The following PHACTR2 variants were observed in gnomAD, a reference collection of about 807,000 sequenced individuals.
PHACTR2 encodes chromosome 6 open reading frame 56.
In PHACTR2, 30 loss-of-function variants were observed where a neutral mutation model predicts 76.0. The ratio of observed to expected loss-of-function variants is 0.39; its 90% CI spans 0.30 to 0.54. The LOEUF (loss-of-function observed/expected upper bound fraction) is 0.54, where lower values mean the gene tolerates loss of function less well. Ranked by LOEUF, PHACTR2 falls within the 20% of genes least tolerant of loss-of-function variation. PHACTR2 has a pLI of 0.61. For missense variants in PHACTR2, 696 were observed against 781.1 expected (o/e 0.89, Z 1.30); for synonymous variants, 292 against 292.5 (o/e 1.00, Z 0.02).
In PHACTR2 at chr6:143,659,260, A is replaced by G. The variant is rs1042404833; in HGVS notation, c.13+50938A>G. ...AATAAATTAACCTTAGCTTATTGTAACTTTTTTACTTTATAAACTTTAAAA... is the reference window on the plus strand; with the variant it reads ...AATAAATTAACCTTAGCTTATTGTAGCTTTTTTACTTTATAAACTTTAAAA... On this transcript the variant is annotated intron_variant, in intron 1 of 11. Transcript: ENST00000305766. This position sits in a 1 kb window ranked among gnomAD's most constrained non-coding sequence, Gnocchi z 5.0. Among the ~76,000 whole-genome samples, 2 of 152,192 alleles carry G rather than the reference A, an allele frequency of 1.3e-5. No individual in the cohort carries two copies. Among genetic ancestry groups the G allele is most frequent in the Non-Finnish European group, 2.9e-5 (2 of 68,028 alleles).
Position 143,556,243 on chromosome 6 carries a change from C to A in PHACTR2, c.217+19036C>A, listed in dbSNP as rs924884410. ...TAATTCGGCCCCAGTTCATTTCAGA[C>A]TTTCTTCCTTAAATTCATTTATTTA... On this transcript the variant is annotated intron_variant, in intron 1 of 11. Transcript: ENST00000367584. This position sits in a 1 kb window ranked among gnomAD's most constrained non-coding sequence, Gnocchi z 4.3. Among the ~76,000 whole-genome samples, 38 of 152,236 alleles carry A rather than the reference C, an allele frequency of 2.5e-4. No individual in the cohort carries two copies. Among genetic ancestry groups the A allele is most frequent in the African/African-American group, 9.2e-4 (38 of 41,456 alleles).
rs1199630188 is a variant in PHACTR2 at position 143,780,722 on chromosome 6, T to C, written c.1646-2497T>C. On this transcript the variant is annotated intron_variant, in intron 9 of 12. Coordinates refer to ENST00000440869, the MANE Select transcript of PHACTR2 (RefSeq NM_001100164.2). The surrounding 1 kb of genome is among the most constrained non-coding windows in gnomAD (Gnocchi z 4.4). Reference sequence around the variant, plus strand: ...TTTGTTTATTTATCGGAAATGCTTCTTGCGGGTCGTCCGAAATGTTCGCCC... The same window carrying C: ...TTTGTTTATTTATCGGAAATGCTTCCTGCGGGTCGTCCGAAATGTTCGCCC... 1.3e-5 allele frequency among the ~76,000 whole-genome samples: 2 copies of C among 152,216 alleles called. No homozygotes were observed. The highest frequency in any genetic ancestry group is 2.9e-5 in the Non-Finnish European group (2 of 68,036).
Position 143,818,750 on chromosome 6 carries a change from C to T in PHACTR2, c.1923-4924C>T, listed in dbSNP as rs981897872. Among the ~76,000 whole-genome samples the T allele has an allele frequency of 6.6e-6, 1 of 152,104 alleles. No homozygotes were observed. The highest frequency in any genetic ancestry group is 2.4e-5 in the African/African-American group (1 of 41,416). ...TGAGTACTCACTGTCACGAGAACAG[C>T]ATGGGGGAAACCACTCGCCTGATTC... is the stretch of plus-strand genomic sequence containing the variant. On this transcript the variant is annotated intron_variant, in intron 12 of 12. Coordinates refer to ENST00000440869, the MANE Select transcript of PHACTR2 (RefSeq NM_001100164.2). The surrounding 1 kb of genome is among the most constrained non-coding windows in gnomAD (Gnocchi z 4.9).
Position 143,709,183 on chromosome 6 carries a change from G to A in PHACTR2, c.47-2833G>A, listed in dbSNP as rs146573555. 6.8e-4 allele frequency among the ~76,000 whole-genome samples: 104 copies of A among 152,324 alleles called. No individual in the cohort carries two copies. Among genetic ancestry groups the A allele is most frequent in the African/African-American group, 2.3e-3 (96 of 41,580 alleles). On this transcript the variant is annotated intron_variant, in intron 1 of 12. Coordinates refer to ENST00000440869, the MANE Select transcript of PHACTR2 (RefSeq NM_001100164.2). The surrounding 1 kb of genome is among the most constrained non-coding windows in gnomAD (Gnocchi z 4.4). Reference sequence around the variant, plus strand: ...TTACTCTGAATTAGCTTCAAAATCAGTCTGTCCCCTGTATCTCTATCTGTT... The same window carrying A: ...TTACTCTGAATTAGCTTCAAAATCAATCTGTCCCCTGTATCTCTATCTGTT...
upstream of PHACTR2, among the ~76,000 whole-genome samples, chr6:143,677,582 A>G (rs1392464910): frequency 6.6e-6 from 1 of 152,228 alleles, no homozygotes. Context: ...TAAAAGGAAG[A>G]TAATTTTTAA....
chr6:143,745,223 A>T lies in PHACTR2; in HGVS notation c.215-3762A>T, dbSNP rs935335053. ...TTGGGATCAGATTCGAGCAGGCTGC[A>T]ATAACAGCAGGCTCTCAGTGATGAC... On this transcript the variant is annotated intron_variant, in intron 2 of 12. Transcript: ENST00000440869. 5.3e-5 allele frequency among the ~76,000 whole-genome samples: 8 copies of T among 152,210 alleles called. No homozygotes were observed. The East Asian group carries it at 1.5e-3, about 29-fold the overall frequency.
At chr6:143,718,931 G>A (rs1778370750) in intron 2 of PHACTR2, among the ~76,000 whole-genome samples, 1 of 142,278 alleles carries the variant, frequency 7.0e-6, no homozygotes, top group South Asian at 2.2e-4. Context: ...CATCCAAGCT[G>A]GAGTGCAGTG....
Position 143,762,050 on chromosome 6 carries a change from C to G in PHACTR2, c.694+1410C>G, listed in dbSNP as rs145972032. On this transcript the variant is annotated intron_variant, in intron 5 of 12. Coordinates refer to ENST00000440869, the MANE Select transcript of PHACTR2 (RefSeq NM_001100164.2). The stretch of plus-strand genomic sequence containing the variant: ...GCCCAGTGGCCATCTCCTCAGGGAG[C>G]AGCTGTCCTCACCCATCAGTGTCCA... 3.5e-3 allele frequency among the ~76,000 whole-genome samples: 529 copies of G among 152,268 alleles called. 1 individual carries two copies. Among genetic ancestry groups the G allele is most frequent in the Non-Finnish European group, 5.6e-3 (383 of 68,022 alleles).
chr6:143,540,220 C>A (rs148738386), intron 1 of PHACTR2, among the ~76,000 whole-genome samples: 11 of 152,144 alleles, frequency 7.2e-5, no homozygotes, highest in Non-Finnish European at 1.6e-4. Context: ...TGAGTTAACT[C>A]CCTGCTGTGG....
In PHACTR2 at chr6:143,795,456, T is replaced by C. The variant is rs1406630699; in HGVS notation, c.1845+6546T>C. Among the ~76,000 whole-genome samples the C allele has an allele frequency of 6.6e-6, 1 of 152,200 alleles. No individual in the cohort carries two copies. The highest frequency in any genetic ancestry group is 1.5e-5 in the Non-Finnish European group (1 of 68,020). On this transcript the variant is annotated intron_variant, in intron 11 of 12. Coordinates refer to ENST00000440869, the MANE Select transcript of PHACTR2 (RefSeq NM_001100164.2). This position sits in a 1 kb window ranked among gnomAD's most constrained non-coding sequence, Gnocchi z 4.8. ...AAATAAAATTTTCAGTTTTAGAATA[T>C]ATGTACTTAGAGCACTAGAAACAGA...
rs764434564 is a variant in PHACTR2 at position 143,570,864 on chromosome 6, C to T, written c.217+33657C>T. The stretch of plus-strand genomic sequence containing the variant: ...GGACTCCTCCTCTTCTTCCAAAATT[C>T]AGGCTGAAGACAATTGCCCTGATTC... On this transcript the variant is annotated intron_variant, in intron 1 of 11. Coordinates refer to the PHACTR2 transcript ENST00000367584. The surrounding 1 kb of genome is among the most constrained non-coding windows in gnomAD (Gnocchi z 4.6). 6.6e-6 allele frequency among the ~76,000 whole-genome samples: 1 copy of T among 152,130 alleles called. No homozygotes were observed. The highest frequency in any genetic ancestry group is 2.4e-5 in the African/African-American group (1 of 41,432).
chr6:143,548,801 A>G lies in PHACTR2; in HGVS notation c.217+11594A>G, dbSNP rs1369997073. Reference sequence around the variant, plus strand: ...CTTTTAGGTAAGAAAGAAAGGAAAGAGTAGAGTAAGAAAACTATGTGAAAT... The same window carrying G: ...CTTTTAGGTAAGAAAGAAAGGAAAGGGTAGAGTAAGAAAACTATGTGAAAT... On this transcript the variant is annotated intron_variant, in intron 1 of 11. Transcript: ENST00000367584. This position sits in a 1 kb window ranked among gnomAD's most constrained non-coding sequence, Gnocchi z 4.5. Among the ~76,000 whole-genome samples, 1 of 152,104 alleles carries G rather than the reference A, an allele frequency of 6.6e-6. No homozygotes were observed. Among genetic ancestry groups the G allele is most frequent in the African/African-American group, 2.4e-5 (1 of 41,438 alleles).
rs573866669 is a variant in PHACTR2, at chr6:143,695,468, C to T, written c.47-16548C>T. On this transcript the variant is annotated intron_variant, in intron 1 of 12. Coordinates refer to ENST00000440869, the MANE Select transcript of PHACTR2 (RefSeq NM_001100164.2). This position sits in a 1 kb window ranked among gnomAD's most constrained non-coding sequence, Gnocchi z 4.4. Reference sequence around the variant, plus strand: ...TCAATACCCTAAGGCATAAAAATGGCGTCTTACTATAGACAGTGGAAATAA... The same window carrying T: ...TCAATACCCTAAGGCATAAAAATGGTGTCTTACTATAGACAGTGGAAATAA... Among the ~76,000 whole-genome samples, 1 of 152,286 alleles carries T rather than the reference C, an allele frequency of 6.6e-6. No homozygotes were observed. Among genetic ancestry groups the T allele is most frequent in the African/African-American group, 2.4e-5 (1 of 41,544 alleles).
intron 2 of PHACTR2, among the ~76,000 whole-genome samples, chr6:143,723,336 TA>T (rs1422204869): frequency 6.6e-6 from 1 of 152,196 alleles, no homozygotes; most frequent in African/African-American, 2.4e-5. Context: ...GGAAGACAAT[TA>T]TTCTTATTTT....
intron 1 of PHACTR2, among the ~76,000 whole-genome samples, chr6:143,640,004 A>T (rs76047694): frequency 2.6e-5 from 4 of 152,210 alleles, no homozygotes; most frequent in Non-Finnish European, 5.9e-5. Context: ...TGGGCCACAT[A>T]TATGATGGTA....
chr6:143,606,541 AC>A (rs1775875731), upstream of PHACTR2, among the ~76,000 whole-genome samples: 3 of 152,224 alleles, frequency 2.0e-5, no homozygotes, highest in Non-Finnish European at 4.4e-5. Flanking sequence ...GGCAATAGGC[AC>A]TGCCAATAGA....
rs1015766173 is a variant in PHACTR2, at chr6:143,627,314, C to T, written c.13+18992C>T. Among the ~76,000 whole-genome samples, 3 of 152,164 alleles carry T rather than the reference C, an allele frequency of 2.0e-5. No homozygotes were observed. The highest frequency in any genetic ancestry group is 2.9e-5 in the Non-Finnish European group (2 of 68,026). On this transcript the variant is annotated intron_variant, in intron 1 of 11. Transcript: ENST00000305766. This position sits in a 1 kb window ranked among gnomAD's most constrained non-coding sequence, Gnocchi z 4.3. Reference sequence around the variant, plus strand: ...AAAACTAAGATAGCTTTACTCAGTTCGATAACTTGCCTTATTCATCAGACT... The same window carrying T: ...AAAACTAAGATAGCTTTACTCAGTTTGATAACTTGCCTTATTCATCAGACT...
rs1775678826 is a variant in PHACTR2 at position 143,791,137 on chromosome 6, C to T, written c.1845+2227C>T. Among the ~76,000 whole-genome samples the T allele has an allele frequency of 6.6e-6, 1 of 152,130 alleles. No homozygotes were observed. Reference sequence around the variant, plus strand: ...TTATAATTTTGCTTTTCACATTTAACTTTTTTGTTTACCTGGAGTTGTTTT... The same window carrying T: ...TTATAATTTTGCTTTTCACATTTAATTTTTTTGTTTACCTGGAGTTGTTTT... On this transcript the variant is annotated intron_variant, in intron 11 of 12. Coordinates refer to ENST00000440869, the MANE Select transcript of PHACTR2 (RefSeq NM_001100164.2). The surrounding 1 kb of genome is among the most constrained non-coding windows in gnomAD (Gnocchi z 4.7).
Position 143,830,706 on chromosome 6 carries a change from G to A in PHACTR2, c.*7017G>A, listed in dbSNP as rs750715146. The stretch of plus-strand genomic sequence containing the variant: ...TCTATTTAGTTGTATAATATTAGAG[G>A]ATACTTTGCTGTGCACAATTCCAAG... On this transcript the variant is annotated 3_prime_UTR_variant, in exon 13 of 13. Transcript: ENST00000440869. 1 of 152,096 alleles carries A rather than the reference G, an allele frequency of 6.6e-6. No homozygotes were observed. Among genetic ancestry groups the A allele is most frequent in the Non-Finnish European group, 1.5e-5 (1 of 68,014 alleles). The allele number at this position is 152,096 out of a possible 1,614,324, so 9.4% of individuals were successfully genotyped here.
Sources: gnomAD v4.1 joint callset for allele counts (sites outside exome capture counted in the v4.1 genomes callset) on GRCh38, gnomAD v4.1.1 for gene constraint, Gnocchi (gnomAD v3.1) non-coding constraint, MANE v1.5 for transcripts, NCBI Gene and HGNC (gene_info 2026-07-23, HGNC 2026-07-21) for gene names.